Variants in THSD4 observed in about 807,000 individuals in gnomAD.
THSD4 encodes thrombospondin type 1 domain containing 4.
THSD4 carries 69 observed loss-of-function variants against 119.0 expected under a neutral mutation model. That is an observed-to-expected ratio of 0.58 (90% CI 0.48 to 0.71). The LOEUF is 0.71. Among genes scored for constraint, THSD4 ranks in the 30% least tolerant of loss-of-function variants. The pLI, the probability that THSD4 is intolerant of heterozygous loss-of-function variation, is 0.00. For missense variants in THSD4, 1,393 were observed against 1,391.1 expected, an observed-to-expected ratio of 1.00 and a Z score of -0.02; for synonymous variants, 524 against 540.4, an observed-to-expected ratio of 0.97 and a Z score of 0.42.
At chr15:71,344,947 C>T (rs2045634689) in intron 6 of THSD4, among the ~76,000 whole-genome samples, 1 of 151,868 alleles carries the variant, frequency 6.6e-6, no homozygotes, top group Non-Finnish European at 1.5e-5. Flanking sequence ...AAAAGTGAGC[C>T]AAGAATTCTG....
At chr15:71,747,269 G>C (rs139970266) in intron 13 of THSD4, among the ~76,000 whole-genome samples, 1 of 152,332 alleles carries the variant, frequency 6.6e-6, no homozygotes, top group East Asian at 1.9e-4. Context: ...TGAGCCCAGG[G>C]GGAGCCCTCT....
chr15:71,190,529 A>G (rs1409156406), intron 3 of THSD4, among the ~76,000 whole-genome samples: 1 of 152,194 alleles, frequency 6.6e-6, no homozygotes, highest in Non-Finnish European at 1.5e-5. Context: ...TGCAAACTCT[A>G]AAACTAGTTG....
intron 7 of THSD4, among the ~76,000 whole-genome samples, chr15:71,618,493 A>G (rs1478466102): frequency 6.6e-6 from 1 of 152,208 alleles, no homozygotes; most frequent in African/African-American, 2.4e-5. Context: ...ATAAAATATA[A>G]AAGCAGGGAT....
At position 71,265,518 on chromosome 15, in the gene THSD4, A is replaced by T. The variant is rs191399227; in HGVS notation, c.1015+8803A>T. ...CAGGGCCCTGGGTTTCAAGCACAAA[A>T]CTGGGTGGTCATTTGGGCAGACACC... On this transcript the variant is annotated intron_variant, in intron 6 of 17. Transcript: ENST00000261862. Among the ~76,000 whole-genome samples the T allele has an allele frequency of 4.7e-3, 708 of 152,044 alleles. 6 individuals carry two copies. The highest frequency in any genetic ancestry group is 0.016 in the African/African-American group (676 of 41,502).
intron 7 of THSD4, among the ~76,000 whole-genome samples, chr15:71,431,098 A>G (rs752036650): frequency 6.6e-6 from 1 of 152,234 alleles, no homozygotes; most frequent in African/African-American, 2.4e-5. Flanking sequence ...AAATGTTTCA[A>G]TTTTGTTCAC....
At chr15:71,196,640 G>A (rs1308734504) in intron 3 of THSD4, among the ~76,000 whole-genome samples, 2 of 152,072 alleles carry the variant, frequency 1.3e-5, no homozygotes, top group African/African-American at 4.8e-5. Context: ...AGTGAGATGA[G>A]TTTCAGAAAT....
Position 71,746,093 on chromosome 15 carries a change from A to G in THSD4, c.2037-745A>G, listed in dbSNP as rs924852619. 2.0e-5 allele frequency among the ~76,000 whole-genome samples: 3 copies of G among 152,264 alleles called. No individual in the cohort carries two copies. In the East Asian group the frequency reaches 5.8e-4, roughly 29 times the overall value. ...GCATGGGCTGATGTCTCATTTAACT[A>G]ATAACAGAGCAGATGACAGAGGAGG... On this transcript the variant is annotated intron_variant, in intron 12 of 17. Coordinates refer to ENST00000261862, the MANE Select transcript of THSD4 (RefSeq NM_024817.3).
chr15:71,497,938 A>G (rs868378713), intron 7 of THSD4, among the ~76,000 whole-genome samples: 5 of 152,330 alleles, frequency 3.3e-5, no homozygotes, highest in Middle Eastern at 3.4e-3. Flanking sequence ...TGGCTGGTAT[A>G]TGCTAATAGG....
chr15:71,144,625 T>G (rs1596222759), intron 2 of THSD4, among the ~76,000 whole-genome samples: 1 of 152,058 alleles, frequency 6.6e-6, no homozygotes, highest in Non-Finnish European at 1.5e-5. Flanking sequence ...TAAAAACCCC[T>G]CCCCATTTTT....
At chr15:71,112,646 A>C (rs777447679), upstream of THSD4, among the ~76,000 whole-genome samples, 1 of 152,294 alleles carries the variant, frequency 6.6e-6, no homozygotes, top group East Asian at 1.9e-4. Flanking sequence ...CCCCCAGCCT[A>C]GGTAAGCACA....
At chr15:71,241,184 G>A (rs971706171) in intron 4 of THSD4, among the ~76,000 whole-genome samples, 3 of 152,286 alleles carry the variant, frequency 2.0e-5, no homozygotes, top group Admixed American at 6.5e-5. Context: ...CCAATTTTAC[G>A]TAAATGTAGA....
At chr15:71,690,447 T>C (rs746856117) in intron 8 of THSD4, among the ~76,000 whole-genome samples, 1 of 152,174 alleles carries the variant, frequency 6.6e-6, no homozygotes, top group Non-Finnish European at 1.5e-5. Flanking sequence ...CATGCCTGAC[T>C]GGGGCGTGGG....
At chr15:71,735,061 C>T (rs1008885636) in intron 10 of THSD4, among the ~76,000 whole-genome samples, 3 of 152,000 alleles carry the variant, frequency 2.0e-5, no homozygotes, top group Non-Finnish European at 4.4e-5. Flanking sequence ...ATAATTCAAT[C>T]GCAGTCTGCT....
intron 14 of THSD4, among the ~76,000 whole-genome samples, chr15:71,754,068 T>C (rs527965993): frequency 1.4e-5 from 2 of 145,508 alleles, no homozygotes; most frequent in South Asian, 4.4e-4. Context: ...AAATTCTGTT[T>C]ACCTTTTATT....
chr15:71,683,674 T>C (rs2141035895), intron 8 of THSD4, among the ~76,000 whole-genome samples: 1 of 152,228 alleles, frequency 6.6e-6, no homozygotes, highest in Non-Finnish European at 1.5e-5. Flanking sequence ...GGAGTAGACA[T>C]GGTTAAAATG....
intron 7 of THSD4, among the ~76,000 whole-genome samples, chr15:71,588,198 C>G (rs1030743996): frequency 6.7e-6 from 1 of 149,876 alleles, no homozygotes; most frequent in Non-Finnish European, 1.5e-5. Flanking sequence ...CCCAGCTACT[C>G]GGGAGGCTGA....
intron 7 of THSD4, among the ~76,000 whole-genome samples, chr15:71,500,388 A>G (rs1325817756): frequency 6.6e-6 from 1 of 152,120 alleles, no homozygotes; most frequent in Non-Finnish European, 1.5e-5. Context: ...CTCTCCTCAG[A>G]TATATCGTTT....
At chr15:71,423,922 G>T (rs1213282123) in intron 7 of THSD4, among the ~76,000 whole-genome samples, 1 of 152,154 alleles carries the variant, frequency 6.6e-6, no homozygotes, top group African/African-American at 2.4e-5. Flanking sequence ...GCAACAGCTG[G>T]GTTCTGCCTG....
chr15:71,673,898 A>T (rs1271145283), intron 8 of THSD4, among the ~76,000 whole-genome samples: 1 of 152,114 alleles, frequency 6.6e-6, no homozygotes, highest in Non-Finnish European at 1.5e-5. Context: ...CTGGGACTAC[A>T]GGCGCCCACC....
Sources: allele counts gnomAD v4.1 joint callset (sites outside exome capture counted in the v4.1 genomes callset), GRCh38; gene constraint gnomAD v4.1.1; transcripts MANE v1.5; gene names NCBI Gene and HGNC (gene_info 2026-07-23, HGNC 2026-07-21).